Variants in ADAM9 observed in about 807,000 individuals in gnomAD.
ADAM9 encodes the protein disintegrin and metalloproteinase domain-containing protein 9.
ADAM9 carries 54 observed loss-of-function variants against 108.1 expected under a neutral mutation model. The ratio of observed to expected loss-of-function variants is 0.50; its 90% CI spans 0.40 to 0.63. The LOEUF is 0.63. Among genes scored for constraint, ADAM9 ranks in the 20% least tolerant of loss-of-function variants. The pLI is 0.00. For missense variants in ADAM9, 830 were observed against 997.7 expected, an observed-to-expected ratio of 0.83 and a Z score of 2.26; for synonymous variants, 316 against 336.0, an observed-to-expected ratio of 0.94 and a Z score of 0.65.
chr8:39,034,099 C>A (rs553981632), intron 11 of ADAM9, among the ~76,000 whole-genome samples: 1 of 152,166 alleles, frequency 6.6e-6, no homozygotes, highest in African/African-American at 2.4e-5. Flanking sequence ...TGTTATGTTG[C>A]CCAGGCTGGT....
intron 14 of ADAM9, among the ~76,000 whole-genome samples, chr8:39,062,242 A>G (rs1480168857): frequency 2.6e-5 from 4 of 152,182 alleles, no homozygotes; most frequent in African/African-American, 9.7e-5. Context: ...TGTCTGGGAT[A>G]ATGATTAATA....
chr8:39,010,347 T>A (rs1836316281), intron 2 of ADAM9, among the ~76,000 whole-genome samples: 1 of 152,142 alleles, frequency 6.6e-6, no homozygotes, highest in Admixed American at 6.5e-5. Context: ...GCTGGCCCAC[T>A]GGAGACTGAG....
chr8:39,045,612 C>T (rs1484775237), intron 12 of ADAM9, among the ~76,000 whole-genome samples: 1 of 150,670 alleles, frequency 6.6e-6, no homozygotes, highest in Non-Finnish European at 1.5e-5. Context: ...ATCCAGTCGA[C>T]TGTTGATGGA....
In ADAM9 at chr8:39,077,188, T is replaced by C. The variant is rs763606469; in HGVS notation, c.1698-40T>C. The C allele has an allele frequency of 6.2e-6, 10 of 1,607,588 alleles. No individual in the cohort carries two copies. In the South Asian group the frequency reaches 1.1e-4, roughly 18 times the overall value. On this transcript the variant is annotated intron_variant, in intron 15 of 21. Coordinates refer to ENST00000487273, the MANE Select transcript of ADAM9 (RefSeq NM_003816.3). ...AAATTTTTTCTTTTGTTATGTATAC[T>C]GGATGCATTTTATGTTGCATTATTT... is the stretch of plus-strand genomic sequence containing the variant.
intron 12 of ADAM9, among the ~76,000 whole-genome samples, chr8:39,045,363 GGTGTGTGTACATACACC>G: frequency 2.5e-5 from 1 of 40,168 alleles, no homozygotes; most frequent in South Asian, 6.6e-4. Context: ...CATACATATA[GGTGTGTGTACATACACC>G]TATAGGTGTG....
intron 20 of ADAM9, among the ~76,000 whole-genome samples, chr8:39,099,410 A>G (rs1214914766): frequency 6.6e-6 from 1 of 152,194 alleles, no homozygotes; most frequent in Non-Finnish European, 1.5e-5. Flanking sequence ...TAAATATTTT[A>G]GGCAGCATTT....
At chr8:39,066,278 G>A (rs1265493913) in intron 14 of ADAM9, among the ~76,000 whole-genome samples, 1 of 152,144 alleles carries the variant, frequency 6.6e-6, no homozygotes, top group Non-Finnish European at 1.5e-5. Flanking sequence ...GTAATGGGAT[G>A]GCTGGGTCAA....
intron 9 of ADAM9, among the ~76,000 whole-genome samples, chr8:39,024,299 G>A (rs1836851608): frequency 6.6e-6 from 1 of 152,122 alleles, no homozygotes; most frequent in Non-Finnish European, 1.5e-5. Context: ...GTACCAGTGA[G>A]AATGCCATCT....
intron 15 of ADAM9, among the ~76,000 whole-genome samples, chr8:39,071,803 G>A (rs1241462360): frequency 6.6e-6 from 1 of 152,148 alleles, no homozygotes; most frequent in Non-Finnish European, 1.5e-5. Flanking sequence ...TGTGACCGCT[G>A]ATTTTCTCCC....
intron 3 of ADAM9, among the ~76,000 whole-genome samples, 167 bp downstream of exon 3, chr8:39,011,883 T>G (rs1564232919): frequency 6.6e-6 from 1 of 152,230 alleles, no homozygotes; most frequent in Non-Finnish European, 1.5e-5. Context: ...GGCAGTGACT[T>G]CTAAACAGGA....
At chr8:39,020,011 C>A (rs931030675) in intron 7 of ADAM9, among the ~76,000 whole-genome samples, 2 of 152,212 alleles carry the variant, frequency 1.3e-5, no homozygotes, top group African/African-American at 4.8e-5. Flanking sequence ...CTTGGCTGGG[C>A]GCAGTGGCTC....
chr8:38,999,265 T>A (rs572621819), intron 1 of ADAM9, among the ~76,000 whole-genome samples: 84 of 152,266 alleles, frequency 5.5e-4, no homozygotes, highest in African/African-American at 2.0e-3. Context: ...TTTTACTACC[T>A]TTTATAACAT....
chr8:39,032,442 G>A (rs1427085644), intron 11 of ADAM9, among the ~76,000 whole-genome samples: 2 of 152,222 alleles, frequency 1.3e-5, no homozygotes, highest in Non-Finnish European at 2.9e-5. Context: ...CCCTAGCAGT[G>A]AGCAAAGCTC....
chr8:39,000,942 G>T (rs969848924), intron 1 of ADAM9, among the ~76,000 whole-genome samples: 1 of 152,134 alleles, frequency 6.6e-6, no homozygotes, highest in East Asian at 1.9e-4. Flanking sequence ...ATAATGTAGG[G>T]CAGAACTCAA....
chr8:39,048,197 A>C (rs1837837280), intron 12 of ADAM9, among the ~76,000 whole-genome samples: 1 of 152,194 alleles, frequency 6.6e-6, no homozygotes, highest in African/African-American at 2.4e-5. Context: ...GGCGTGAGCC[A>C]CCACATCTGT....
chr8:39,090,851 A>G (rs113159254), intron 19 of ADAM9, among the ~76,000 whole-genome samples: 129 of 152,356 alleles, frequency 8.5e-4, no homozygotes, highest in African/African-American at 3.1e-3. Context: ...TCACTTCAGC[A>G]TGTCTAAAAC....
At chr8:39,048,437 A>G (rs1470317785) in intron 12 of ADAM9, among the ~76,000 whole-genome samples, 1 of 152,058 alleles carries the variant, frequency 6.6e-6, no homozygotes, top group Admixed American at 6.6e-5. Context: ...TGGTCAGAAA[A>G]TATATTTGGT....
chr8:39,014,602 G>A (rs964442313), intron 4 of ADAM9: 1 of 701,596 alleles, frequency 1.4e-6, no homozygotes, highest in African/African-American at 1.7e-5. Flanking sequence ...TTTATTACTA[G>A]AGCATAAACA....
At chr8:39,024,050 C>A (rs1038327199) in intron 9 of ADAM9, among the ~76,000 whole-genome samples, 51 of 152,162 alleles carry the variant, frequency 3.4e-4, no homozygotes, top group African/African-American at 1.2e-3. Context: ...AAAATTGTAT[C>A]CGTGAAATCC....
Sources: allele counts gnomAD v4.1 joint callset (sites outside exome capture counted in the v4.1 genomes callset), GRCh38; gene constraint gnomAD v4.1.1; transcripts MANE v1.5; gene names NCBI Gene and HGNC (gene_info 2026-07-23, HGNC 2026-07-21).